SLC36A1: variants seen among roughly 807,000 people sequenced by gnomAD.
SLC36A1 encodes proton-coupled amino acid transporter 1.
A neutral mutation model predicts 47.5 loss-of-function variants in SLC36A1; 30 were observed. The observed-to-expected ratio is 0.63, with a 90% CI of 0.47 to 0.86. The LOEUF (loss-of-function observed/expected upper bound fraction) is 0.86. SLC36A1 is among the 40% of genes least tolerant of loss of function. The probability of loss-of-function intolerance (pLI) is 0.00; values close to 1 mark genes in which losing one functional copy is unlikely to be tolerated. For missense variants in SLC36A1, 517 were observed against 606.0 expected, an observed-to-expected ratio of 0.85 and a Z score of 1.54; for synonymous variants, 255 against 249.7, an observed-to-expected ratio of 1.02 and a Z score of -0.20.
At chr5:151,522,407 T>C in the SLC36A1 span, among the ~76,000 whole-genome samples, 1 of 152,178 alleles carries the variant, frequency 6.6e-6, no homozygotes. Context: ...GCTAACTTCC[T>C]CATGAAGTTT....
At chr5:151,399,078 A>G in the SLC36A1 span, among the ~76,000 whole-genome samples, 2 of 82,788 alleles carry the variant, frequency 2.4e-5, no homozygotes, top group African/African-American at 1.5e-4. Context: ...ATATATATAT[A>G]TATATATTTT....
intron 7 of SLC36A1, among the ~76,000 whole-genome samples, chr5:151,471,169 C>T (rs1469404418): frequency 2.6e-5 from 4 of 152,106 alleles, no homozygotes; most frequent in African/African-American, 9.7e-5. Context: ...CAGTTTTTTT[C>T]TCATCAATGT....
At chr5:151,417,567 T>C in the SLC36A1 span, among the ~76,000 whole-genome samples, 1 of 152,116 alleles carries the variant, frequency 6.6e-6, no homozygotes, top group Non-Finnish European at 1.5e-5. Flanking sequence ...AGAGACATGA[T>C]TTAGGGTATC....
chr5:151,494,149 G>A (rs1226579425), downstream of SLC36A1, among the ~76,000 whole-genome samples: 1 of 152,100 alleles, frequency 6.6e-6, no homozygotes, highest in African/African-American at 2.4e-5. Flanking sequence ...GAGTGACAGT[G>A]GACTGAATTT....
At chr5:151,394,707 C>A in the SLC36A1 span, among the ~76,000 whole-genome samples, 1 of 152,228 alleles carries the variant, frequency 6.6e-6, no homozygotes, top group Non-Finnish European at 1.5e-5. Context: ...GCGGAGGCTG[C>A]AGAACAGCAG....
At chr5:151,441,052 G>T (rs953753651) in intron 1 of SLC36A1, among the ~76,000 whole-genome samples, 1 of 152,226 alleles carries the variant, frequency 6.6e-6, no homozygotes, top group Non-Finnish European at 1.5e-5. Flanking sequence ...TAGGTGTAGA[G>T]TAGGACCCAG....
At chr5:151,485,859 T>C (rs1759445420) in intron 10 of SLC36A1, among the ~76,000 whole-genome samples, 1 of 152,216 alleles carries the variant, frequency 6.6e-6, no homozygotes, top group South Asian at 2.1e-4. Context: ...CCAGTGGTTG[T>C]TGAGCCTTTG....
At chr5:151,375,292 A>T in the SLC36A1 span, among the ~76,000 whole-genome samples, 1 of 152,170 alleles carries the variant, frequency 6.6e-6, no homozygotes, top group African/African-American at 2.4e-5. Context: ...ATCCAATTTT[A>T]TCAGCATCAT....
At chr5:151,533,218 CTGGAGGTGTGTAAGCAGTGGCTAA>C in the SLC36A1 span, among the ~76,000 whole-genome samples, 1 of 152,044 alleles carries the variant, frequency 6.6e-6, no homozygotes, top group Non-Finnish European at 1.5e-5. Context: ...CATCCTGTCC[CTGGAGGTGTGTAAGCAGTGGCTAA>C]TGGAGCACTT....
Position 151,488,497 on chromosome 5 carries a change from C to T in SLC36A1, c.*243C>T. 14 of 537,918 alleles carry T rather than the reference C, an allele frequency of 2.6e-5. No individual in the cohort carries two copies. In the South Asian group the frequency reaches 3.1e-4, roughly 12 times the overall value. 33.3% of individuals were successfully genotyped at this position (537,918 alleles called of 1,614,324 possible). A position where few individuals can be genotyped will look rare whatever the true frequency, so the allele number is the denominator to read the frequency against. On this transcript the variant is annotated 3_prime_UTR_variant, in exon 11 of 11. Transcript: ENST00000243389. ...CATCGCTCACCTGTACCTATTTACA[C>T]CCAGAACTTTCCAGCTCCCCCTCAT... is the stretch of plus-strand genomic sequence containing the variant.
upstream of SLC36A1, among the ~76,000 whole-genome samples, chr5:151,433,246 A>G (rs1186870890): frequency 1.9e-4 from 2 of 10,676 alleles, no homozygotes; most frequent in Non-Finnish European, 3.8e-4. Context: ...ATATATATAT[A>G]TATATATATA....
At chr5:151,359,249 A>C in the SLC36A1 span, among the ~76,000 whole-genome samples, 2 of 152,168 alleles carry the variant, frequency 1.3e-5, no homozygotes, top group African/African-American at 4.8e-5. Context: ...TAACTTTCAA[A>C]CAACATCCAC....
At chr5:151,498,079 G>A in the SLC36A1 span, among the ~76,000 whole-genome samples, 2 of 151,938 alleles carry the variant, frequency 1.3e-5, no homozygotes, top group Non-Finnish European at 2.9e-5. Flanking sequence ...TAAGTAGCTG[G>A]GATTACAGGC....
At chr5:151,494,172 T>A (rs1316827110), downstream of SLC36A1, among the ~76,000 whole-genome samples, 2 of 152,174 alleles carry the variant, frequency 1.3e-5, no homozygotes, top group East Asian at 3.9e-4. Flanking sequence ...ACCCTAAGCC[T>A]GGGGCTCTTT....
the SLC36A1 span, among the ~76,000 whole-genome samples, chr5:151,415,645 T>C: frequency 5.3e-5 from 8 of 152,326 alleles, no homozygotes; most frequent in African/African-American, 1.2e-4. Flanking sequence ...TAAAACTCCA[T>C]TGAGGTAGAG....
At chr5:151,434,075 C>T (rs1759627159), upstream of SLC36A1, among the ~76,000 whole-genome samples, 1 of 152,192 alleles carries the variant, frequency 6.6e-6, no homozygotes, top group African/African-American at 2.4e-5. Context: ...TGATAGTTGC[C>T]AGCTGCTGGC....
chr5:151,521,850 AC>A, the SLC36A1 span: 7 of 1,614,056 alleles, frequency 4.3e-6, no homozygotes, highest in Non-Finnish European at 5.9e-6. Flanking sequence ...CATCAGGCGC[AC>A]CCACTGAGAA....
intron 7 of SLC36A1, among the ~76,000 whole-genome samples, chr5:151,468,400 ATATAT>A (rs1756887896): frequency 6.9e-6 from 1 of 144,704 alleles, no homozygotes; most frequent in Non-Finnish European, 1.5e-5. Flanking sequence ...CATGCATAAT[ATATAT>A]TATATAATGT....
At chr5:151,465,218 CT>C in intron 5 of SLC36A1, 49 bp downstream of exon 5, 3 of 1,422,760 alleles carry the variant, frequency 2.1e-6, no homozygotes, top group Non-Finnish European at 3.0e-6. Context: ...AGTGTGAGGC[CT>C]TCAGATGGGG....
Sources: gnomAD v4.1 joint callset for allele counts (sites outside exome capture counted in the v4.1 genomes callset) on GRCh38, gnomAD v4.1.1 for gene constraint, MANE v1.5 for transcripts, NCBI Gene and HGNC (gene_info 2026-07-23, HGNC 2026-07-21) for gene names.